AMPH: variants seen among roughly 807,000 people sequenced by gnomAD.
AMPH encodes amphiphysin.
AMPH carries 49 observed loss-of-function variants against 99.1 expected under a neutral mutation model. The observed-to-expected ratio is 0.49, with a 90% CI of 0.39 to 0.63. The LOEUF (loss-of-function observed/expected upper bound fraction) is 0.63. Ranked by LOEUF, AMPH falls within the 20% of genes least tolerant of loss-of-function variation. The pLI, the probability that AMPH is intolerant of heterozygous loss-of-function variation, is 0.00. For missense variants in AMPH, 759 were observed against 863.4 expected (o/e 0.88, Z 1.52); for synonymous variants, 314 against 317.3 (o/e 0.99, Z 0.11).
intron 16 of AMPH, among the ~76,000 whole-genome samples, chr7:38,419,874 C>A (rs1348151988): frequency 6.6e-6 from 1 of 152,110 alleles, no homozygotes; most frequent in Non-Finnish European, 1.5e-5. Flanking sequence ...TTATAAAATG[C>A]AAAGATATCT....
At chr7:38,528,317 G>A (rs1461453228) in intron 2 of AMPH, among the ~76,000 whole-genome samples, 1 of 152,084 alleles carries the variant, frequency 6.6e-6, no homozygotes, top group Non-Finnish European at 1.5e-5. Flanking sequence ...ATGTAAAATT[G>A]ATATCAATTC....
chr7:38,555,744 C>T (rs1231563325), intron 1 of AMPH, among the ~76,000 whole-genome samples: 1 of 152,212 alleles, frequency 6.6e-6, no homozygotes, highest in Non-Finnish European at 1.5e-5. Context: ...TATGTTTCCA[C>T]TGCCTAAAGT....
chr7:38,620,050 A>G (rs1793999046), intron 1 of AMPH, among the ~76,000 whole-genome samples: 1 of 151,068 alleles, frequency 6.6e-6, no homozygotes. Flanking sequence ...CATCTACGCT[A>G]TTTAAAGGTT....
At chr7:38,497,988 A>G (rs983924468) in intron 3 of AMPH, among the ~76,000 whole-genome samples, 1 of 152,226 alleles carries the variant, frequency 6.6e-6, no homozygotes, top group Non-Finnish European at 1.5e-5. Context: ...CTGCACCTGC[A>G]TGCCAGTGAC....
intron 1 of AMPH, among the ~76,000 whole-genome samples, chr7:38,618,511 CA>C (rs200287871): frequency 2.0e-5 from 3 of 149,468 alleles, no homozygotes; most frequent in South Asian, 2.1e-4. Context: ...GACTCTGTCT[CA>C]AAAAAAAAGA....
chr7:38,567,923 A>T (rs933895362), intron 1 of AMPH, among the ~76,000 whole-genome samples: 32 of 152,150 alleles, frequency 2.1e-4, no homozygotes, highest in African/African-American at 7.7e-4. Flanking sequence ...GTAACAATAT[A>T]CCAAGTATGA....
At chr7:38,544,005 C>A (rs898020219) in intron 1 of AMPH, among the ~76,000 whole-genome samples, 1 of 152,112 alleles carries the variant, frequency 6.6e-6, no homozygotes, top group Admixed American at 6.6e-5. Context: ...AGATTCTAAC[C>A]ACTATACTAT....
At chr7:38,619,173 G>C (rs1174695915) in intron 1 of AMPH, among the ~76,000 whole-genome samples, 2 of 152,094 alleles carry the variant, frequency 1.3e-5, no homozygotes, top group African/African-American at 2.4e-5. Context: ...CTGAGTGACA[G>C]AGCAAGACCC....
At chr7:38,587,913 A>T (rs1584276751) in intron 1 of AMPH, among the ~76,000 whole-genome samples, 1 of 131,912 alleles carries the variant, frequency 7.6e-6, no homozygotes, top group African/African-American at 3.0e-5. Flanking sequence ...CTTATTAATT[A>T]CTGTGTGTGT....
intron 1 of AMPH, among the ~76,000 whole-genome samples, chr7:38,570,945 T>A (rs543291122): frequency 0.016 from 352 of 22,134 alleles, 2 homozygotes; most frequent in Non-Finnish European, 0.025. Context: ...ATATATATAT[T>A]TATATATATA....
chr7:38,602,706 G>A lies in AMPH; in HGVS notation c.69+28577C>T, dbSNP rs114351012. On this transcript the variant is annotated intron_variant, in intron 1 of 20. Coordinates refer to ENST00000356264, the MANE Select transcript of AMPH (RefSeq NM_001635.4). ...GTAAGGCAAGATATTAAAAAATTCC[G>A]GAAATCAGGATGTAGACATCTTTGA... is the stretch of plus-strand genomic sequence containing the variant. 2.7e-3 allele frequency among the ~76,000 whole-genome samples: 415 copies of A among 152,210 alleles called. 2 individuals carry two copies. The highest frequency in any genetic ancestry group is 9.2e-3 in the African/African-American group (382 of 41,530).
chr7:38,618,511 C>A (rs1285039268), intron 1 of AMPH, among the ~76,000 whole-genome samples: 1 of 149,466 alleles, frequency 6.7e-6, no homozygotes. Flanking sequence ...GACTCTGTCT[C>A]AAAAAAAAAG....
intron 1 of AMPH, among the ~76,000 whole-genome samples, chr7:38,627,120 A>G (rs1316920423): frequency 2.6e-5 from 4 of 152,040 alleles, no homozygotes; most frequent in African/African-American, 9.7e-5. Flanking sequence ...GCACTGGCTC[A>G]TGACTCAGGC....
intron 17 of AMPH, among the ~76,000 whole-genome samples, chr7:38,400,836 T>G (rs1173236490): frequency 1.3e-5 from 2 of 152,254 alleles, no homozygotes; most frequent in Non-Finnish European, 2.9e-5. Flanking sequence ...ACTTTCATTA[T>G]CCTTCTGCCC....
chr7:38,588,194 T>A (rs1792735267), intron 1 of AMPH, among the ~76,000 whole-genome samples: 1 of 152,056 alleles, frequency 6.6e-6, no homozygotes, highest in African/African-American at 2.4e-5. Context: ...GCTCAAGTGA[T>A]CAGCTGTCTC....
chr7:38,630,483 C>T (rs558738107), intron 1 of AMPH, among the ~76,000 whole-genome samples: 63 of 152,168 alleles, frequency 4.1e-4, no homozygotes, highest in Middle Eastern at 3.4e-3. Flanking sequence ...GAGGGACTTG[C>T]AAAACAACAG....
intron 1 of AMPH, among the ~76,000 whole-genome samples, chr7:38,607,826 T>C (rs1359927048): frequency 2.0e-5 from 3 of 152,198 alleles, no homozygotes; most frequent in South Asian, 2.1e-4. Context: ...CCCAGGACTT[T>C]GTGGGATGAA....
intron 9 of AMPH, among the ~76,000 whole-genome samples, chr7:38,463,697 C>A (rs560483055): frequency 6.6e-5 from 10 of 152,288 alleles, no homozygotes; most frequent in Admixed American, 5.9e-4. Flanking sequence ...TCTTTCTAGA[C>A]CTTATAAATA....
rs1223673192 is a variant in AMPH, at chr7:38,428,031, G to A, written c.1183-1045C>T. 3 of 456,518 alleles carry A rather than the reference G, an allele frequency of 6.6e-6. No individual in the cohort carries two copies. The East Asian group carries it at 2.1e-4, about 32-fold the overall frequency. 28.3% of individuals were successfully genotyped at this position (456,518 alleles called of 1,614,324 possible). Reference sequence around the variant, plus strand: ...GCTTTGTTCCCAGCAGCTAGCAATGGCTTGTTCCCTACAATCACCTGCTAG... The same window carrying A: ...GCTTTGTTCCCAGCAGCTAGCAATGACTTGTTCCCTACAATCACCTGCTAG... On this transcript the variant is annotated intron_variant, in intron 14 of 20. Transcript: ENST00000356264.
Sources: allele counts gnomAD v4.1 joint callset (sites outside exome capture counted in the v4.1 genomes callset), GRCh38; gene constraint gnomAD v4.1.1; transcripts MANE v1.5; gene names NCBI Gene and HGNC (gene_info 2026-07-23, HGNC 2026-07-21).